The following SORBS2 variants were observed in gnomAD, a reference collection of about 807,000 sequenced individuals.
SORBS2 encodes sorbin and SH3 domain-containing protein 2.
SORBS2 carries 46 observed loss-of-function variants against 97.7 expected under a neutral mutation model. The observed-to-expected ratio is 0.47, with a 90% CI of 0.37 to 0.60. The LOEUF (loss-of-function observed/expected upper bound fraction) is 0.60, where lower values mean the gene tolerates loss of function less well. Ranked by LOEUF, SORBS2 falls within the 20% of genes least tolerant of loss-of-function variation. The pLI is 0.00. For synonymous variants in SORBS2, 476 were observed against 473.4 expected (o/e 1.01, Z -0.07); for missense variants, 1,316 against 1,282.3 (o/e 1.03, Z -0.40).
intron 4 of SORBS2, among the ~76,000 whole-genome samples, chr4:185,633,564 T>C (rs1229243466): frequency 1.3e-5 from 2 of 151,714 alleles, no homozygotes; most frequent in Non-Finnish European, 2.9e-5. Flanking sequence ...GTAATATTAA[T>C]TAACAGAACT....
At chr4:185,680,611 T>G (rs1261911691) in intron 2 of SORBS2, among the ~76,000 whole-genome samples, 1 of 152,144 alleles carries the variant, frequency 6.6e-6, no homozygotes, top group Non-Finnish European at 1.5e-5. Flanking sequence ...TATATTCTGA[T>G]TTTTTTCTTG....
chr4:185,694,989 G>A (rs2098155429), intron 2 of SORBS2, among the ~76,000 whole-genome samples: 1 of 151,822 alleles, frequency 6.6e-6, no homozygotes, highest in South Asian at 2.1e-4. Flanking sequence ...ACAGATGTGA[G>A]CCACCACGCC....
chr4:185,595,583 G>T (rs1448500401), intron 12 of SORBS2, among the ~76,000 whole-genome samples: 1 of 152,068 alleles, frequency 6.6e-6, no homozygotes, highest in Non-Finnish European at 1.5e-5. Flanking sequence ...GCAGAAGTAA[G>T]ATTTGTATAC....
At chr4:185,864,460 T>A (rs6552929) in intron 1 of SORBS2, among the ~76,000 whole-genome samples, 35,381 of 152,210 alleles carry the variant, frequency 0.23, 4,611 homozygotes, top group Middle Eastern at 0.35. Flanking sequence ...GATAGAAACA[T>A]CCAGCTGAAA....
At chr4:185,598,084 A>G (rs1214220395) in intron 12 of SORBS2, among the ~76,000 whole-genome samples, 1 of 152,214 alleles carries the variant, frequency 6.6e-6, no homozygotes, top group East Asian at 1.9e-4. Context: ...AATATAGAAC[A>G]ATATACACTT....
chr4:185,785,962 T>C (rs763017706), intron 1 of SORBS2, among the ~76,000 whole-genome samples: 1 of 152,198 alleles, frequency 6.6e-6, no homozygotes, highest in African/African-American at 2.4e-5. Context: ...CCTGGCACAC[T>C]GGAATCATTA....
chr4:185,936,293 C>A (rs893251254), intron 1 of SORBS2, among the ~76,000 whole-genome samples: 11 of 152,210 alleles, frequency 7.2e-5, no homozygotes, highest in African/African-American at 2.7e-4. Context: ...CTGGTTGGCT[C>A]CAGTTTCACC....
intron 1 of SORBS2, among the ~76,000 whole-genome samples, chr4:185,903,474 A>G (rs2099248857): frequency 6.6e-6 from 1 of 152,192 alleles, no homozygotes; most frequent in Non-Finnish European, 1.5e-5. Flanking sequence ...TATCTGGAAC[A>G]ACATTGTGGG....
chr4:185,640,053 C>T (rs1435425668), intron 4 of SORBS2, among the ~76,000 whole-genome samples: 1 of 152,156 alleles, frequency 6.6e-6, no homozygotes, highest in Non-Finnish European at 1.5e-5. Context: ...ATTATACTCA[C>T]AGTGTTTTTA....
At chr4:185,645,835 A>T (rs1172202464) in intron 4 of SORBS2, 2 of 152,220 alleles carry the variant, frequency 1.3e-5, no homozygotes, top group Non-Finnish European at 2.9e-5. Flanking sequence ...TCCTGAGGAC[A>T]CTGATTTCTG....
chr4:185,845,510 G>GA (rs1237206404), intron 1 of SORBS2, among the ~76,000 whole-genome samples: 6 of 151,818 alleles, frequency 4.0e-5, no homozygotes, highest in African/African-American at 1.4e-4. Flanking sequence ...ATTTGGGTTA[G>GA]AAAAAATGCT....
At chr4:185,879,165 T>TCCCCCC (rs1224668040) in intron 1 of SORBS2, among the ~76,000 whole-genome samples, 2 of 57,148 alleles carry the variant, frequency 3.5e-5, no homozygotes, top group African/African-American at 1.0e-4. Context: ...ATGCTATCCC[T>TCCCCCC]CCCCCCCCCC....
chr4:185,852,694 C>T (rs2099218594), intron 1 of SORBS2, among the ~76,000 whole-genome samples: 1 of 152,174 alleles, frequency 6.6e-6, no homozygotes, highest in Admixed American at 6.5e-5. Flanking sequence ...GGTTATTCTG[C>T]TCACAGCTCT....
intron 3 of SORBS2, among the ~76,000 whole-genome samples, chr4:185,648,742 T>C (rs901637509): frequency 6.6e-6 from 1 of 152,166 alleles, no homozygotes; most frequent in Non-Finnish European, 1.5e-5. Context: ...GCTGAGTAAG[T>C]TCCTACCATT....
In SORBS2 at chr4:185,679,373, T is replaced by A. The variant is rs149462032; in HGVS notation, c.-197-551A>T. ...CTATTGCAATATAAAAGTCATTTTA[T>A]ACTCAAATATGAAAAAACTGTTACA... On this transcript the variant is annotated intron_variant, in intron 2 of 20. Coordinates refer to the SORBS2 transcript ENST00000284776. Among the ~76,000 whole-genome samples, 345 of 152,318 alleles carry A rather than the reference T, an allele frequency of 2.3e-3. 6 individuals carry two copies. Among genetic ancestry groups the A allele is most frequent in the African/African-American group, 7.8e-3 (325 of 41,586 alleles).
intron 1 of SORBS2, among the ~76,000 whole-genome samples, chr4:185,878,014 G>T (rs2099234648): frequency 1.3e-5 from 2 of 151,900 alleles, no homozygotes. Context: ...CAGGAACTAG[G>T]CAGAAACATG....
At chr4:185,822,712 AG>A (rs2099197490) in intron 1 of SORBS2, among the ~76,000 whole-genome samples, 1 of 152,236 alleles carries the variant, frequency 6.6e-6, no homozygotes, top group East Asian at 1.9e-4. Context: ...AGGGTGTTCC[AG>A]GACAGGCTAT....
At chr4:185,733,293 T>C (rs897137873) in intron 2 of SORBS2, among the ~76,000 whole-genome samples, 1 of 152,222 alleles carries the variant, frequency 6.6e-6, no homozygotes, top group Non-Finnish European at 1.5e-5. Flanking sequence ...TTCTCCATGC[T>C]GAGTTAGATG....
At chr4:185,797,670 G>A (rs2099111498) in intron 1 of SORBS2, among the ~76,000 whole-genome samples, 1 of 152,130 alleles carries the variant, frequency 6.6e-6, no homozygotes, top group African/African-American at 2.4e-5. Context: ...GGAAATAGGG[G>A]TCAGGAAAAG....
Sources: gnomAD v4.1 joint callset for allele counts (sites outside exome capture counted in the v4.1 genomes callset) on GRCh38, gnomAD v4.1.1 for gene constraint, MANE v1.5 for transcripts, NCBI Gene and HGNC (gene_info 2026-07-23, HGNC 2026-07-21) for gene names.